PTN: variants seen among roughly 807,000 people sequenced by gnomAD.
PTN encodes pleiotrophin.
A neutral mutation model predicts 24.1 loss-of-function variants in PTN; 18 were observed. The observed-to-expected ratio is 0.75, with a 90% CI of 0.52 to 1.11. PTN has a LOEUF of 1.11. Ranked by LOEUF, PTN falls within the 50% of genes least tolerant of loss-of-function variation. PTN has a pLI of 0.00. For synonymous variants in PTN, 78 were observed against 68.6 expected (o/e 1.14, Z -0.67); for missense variants, 163 against 198.8 (o/e 0.82, Z 1.08).
At chr7:137,321,221 T>G (rs1296729148) in intron 1 of PTN, among the ~76,000 whole-genome samples, 4 of 152,206 alleles carry the variant, frequency 2.6e-5, no homozygotes, top group Non-Finnish European at 1.5e-5. Context: ...CTCTGAACTC[T>G]GAGGTTAATA....
intron 3 of PTN, 58 bp downstream of exon 3, chr7:137,253,406 T>A (rs1808862553): frequency 6.8e-7 from 1 of 1,473,486 alleles, no homozygotes; most frequent in African/African-American, 1.4e-5. Context: ...AGACATTTGG[T>A]GGAAAAATTT....
chr7:137,326,231 T>A (rs532866032), intron 1 of PTN: 1 of 152,202 alleles, frequency 6.6e-6, no homozygotes, highest in Non-Finnish European at 1.5e-5. Context: ...ACGTAGTTCA[T>A]GCTCAGTTCT....
chr7:137,284,360 G>A (rs1809521730), intron 1 of PTN, among the ~76,000 whole-genome samples: 1 of 152,052 alleles, frequency 6.6e-6, no homozygotes, highest in South Asian at 2.1e-4. Context: ...ATGTCAAAAA[G>A]GAAGAGGTCT....
At chr7:137,265,684 G>A (rs917765055) in intron 1 of PTN, among the ~76,000 whole-genome samples, 1 of 152,160 alleles carries the variant, frequency 6.6e-6, no homozygotes. Flanking sequence ...ACGCCTGGCC[G>A]ACTGGAGGAC....
chr7:137,329,599 G>A lies in PTN; in HGVS notation c.-2+13840C>T, dbSNP rs543884592. On this transcript the variant is annotated intron_variant, in intron 1 of 4. Coordinates refer to ENST00000348225, the MANE Select transcript of PTN (RefSeq NM_002825.7). ...GAAGAAAAAAGCAGGAGATGCCAAA[G>A]AAAATGATTACTCATGTCACAATTT... Among the ~76,000 whole-genome samples the A allele has an allele frequency of 5.9e-5, 9 of 152,292 alleles. No individual in the cohort carries two copies. The East Asian group carries it at 1.7e-3, about 29-fold the overall frequency.
At chr7:137,246,747 G>A (rs555803328) in intron 4 of PTN, among the ~76,000 whole-genome samples, 6 of 152,142 alleles carry the variant, frequency 3.9e-5, no homozygotes, top group Admixed American at 1.3e-4. Flanking sequence ...TAGACATAAA[G>A]ATTCATCTAA....
intron 3 of PTN, among the ~76,000 whole-genome samples, chr7:137,252,225 T>A (rs535186454): frequency 1.3e-5 from 2 of 152,048 alleles, no homozygotes; most frequent in South Asian, 2.1e-4. Context: ...TTCTAGCCAC[T>A]TTGATAGATG....
chr7:137,243,145 C>T (rs1025684236), intron 4 of PTN, among the ~76,000 whole-genome samples: 1 of 152,200 alleles, frequency 6.6e-6, no homozygotes, highest in Admixed American at 6.5e-5. Flanking sequence ...CCATGTTGGC[C>T]AGGATGGTCT....
intron 1 of PTN, among the ~76,000 whole-genome samples, chr7:137,266,787 G>T (rs1477419784): frequency 1.3e-4 from 18 of 143,896 alleles, no homozygotes; most frequent in African/African-American, 4.3e-4. Flanking sequence ...TGAAAACCTT[G>T]TAAGTTTGGG....
At chr7:137,332,645 C>T (rs1481749439) in intron 1 of PTN, among the ~76,000 whole-genome samples, 1 of 152,214 alleles carries the variant, frequency 6.6e-6, no homozygotes, top group Non-Finnish European at 1.5e-5. Flanking sequence ...CTGGCTGGCT[C>T]ATTTGAATTC....
At chr7:137,277,657 C>A (rs1809383173) in intron 1 of PTN, among the ~76,000 whole-genome samples, 1 of 152,120 alleles carries the variant, frequency 6.6e-6, no homozygotes, top group Non-Finnish European at 1.5e-5. Flanking sequence ...GCAGCCTTAA[C>A]CTCCCATGTT....
chr7:137,258,577 A>G (rs1400395760), intron 1 of PTN, among the ~76,000 whole-genome samples: 1 of 150,878 alleles, frequency 6.6e-6, no homozygotes, highest in Non-Finnish European at 1.5e-5. Context: ...AGGTTATTTA[A>G]AAGAAGAGAG....
At chr7:137,253,164 A>T (rs1419269770) in intron 3 of PTN, among the ~76,000 whole-genome samples, 1 of 152,162 alleles carries the variant, frequency 6.6e-6, no homozygotes, top group African/African-American at 2.4e-5. Context: ...TTTGACCAAC[A>T]GGGTACATTT....
intron 4 of PTN, chr7:137,236,330 G>A (rs996656071): frequency 1.1e-5 from 8 of 696,204 alleles, no homozygotes; most frequent in African/African-American, 1.1e-4. Context: ...TAGAGTCAGG[G>A]GTGGGGGAAT....
chr7:137,286,505 A>G (rs1255040836), intron 1 of PTN, among the ~76,000 whole-genome samples: 1 of 152,220 alleles, frequency 6.6e-6, no homozygotes, highest in African/African-American at 2.4e-5. Flanking sequence ...GTAGAATAAG[A>G]ACATCATATC....
rs1004732629 is a variant in PTN, at chr7:137,247,263, C to T, written c.451+3967G>A. Among the ~76,000 whole-genome samples the T allele has an allele frequency of 1.1e-4, 16 of 152,044 alleles. No individual in the cohort carries two copies. The East Asian group carries it at 1.2e-3, about 11-fold the overall frequency. On this transcript the variant is annotated intron_variant, in intron 4 of 4. Transcript: ENST00000348225. ...TATGATAGCTAAGATTTGGAAGCAACGTAAGTGGCCATCAACGGATGAACA... is the reference window on the plus strand; with the variant it reads ...TATGATAGCTAAGATTTGGAAGCAATGTAAGTGGCCATCAACGGATGAACA...
At chr7:137,336,453 C>T (rs1337995508) in intron 1 of PTN, among the ~76,000 whole-genome samples, 3 of 152,054 alleles carry the variant, frequency 2.0e-5, no homozygotes, top group Non-Finnish European at 4.4e-5. Flanking sequence ...GATTGGGAGT[C>T]TTCTGTATGC....
chr7:137,249,272 CGTGTGTGTGTGTGTGT>C (rs60014659), intron 4 of PTN, among the ~76,000 whole-genome samples: 2 of 145,274 alleles, frequency 1.4e-5, no homozygotes, highest in Non-Finnish European at 3.0e-5. Flanking sequence ...GGACAGTGCA[CGTGTGTGTGTGTGTGT>C]GTGTGTGTGT....
chr7:137,343,164 T>C (rs1413748129), intron 1 of PTN, among the ~76,000 whole-genome samples: 1 of 152,226 alleles, frequency 6.6e-6, no homozygotes, highest in Non-Finnish European at 1.5e-5. Flanking sequence ...AGCTGGTAGC[T>C]GGAACACGGT....
Sources: gnomAD v4.1 joint callset for allele counts (sites outside exome capture counted in the v4.1 genomes callset) on GRCh38, gnomAD v4.1.1 for gene constraint, MANE v1.5 for transcripts, NCBI Gene and HGNC (gene_info 2026-07-23, HGNC 2026-07-21) for gene names.